DLG5: variants seen among roughly 807,000 people sequenced by gnomAD.
The protein encoded by DLG5 is disks large homolog 5.
Under a neutral mutation model 189.8 loss-of-function variants are expected in DLG5, and 48 were observed. The observed-to-expected ratio is 0.25, with a 90% confidence interval of 0.20 to 0.32. The LOEUF is 0.32. Ranked by LOEUF, DLG5 falls within the 10% of genes least tolerant of loss-of-function variation. The pLI is 1.00. For synonymous variants in DLG5, 1,016 were observed against 1,054.1 expected, an observed-to-expected ratio of 0.96 and a Z score of 0.70; for missense variants, 2,160 against 2,544.7, an observed-to-expected ratio of 0.85 and a Z score of 3.25.
chr10:77,830,323 G>A lies in DLG5; in HGVS notation c.1903C>T (p.Leu635=), dbSNP rs1236450682. ...ACACCTTCTGCCATATCAAACCCCA[G>A]TGCCTTCAAGTCAATATCCTCCTGC... is the stretch of plus-strand genomic sequence containing the variant. ...RETEDIDLKA[L]GFDMAEGVNE... is the part of the protein sequence containing the mutation. Residue 635 remains leucine, a synonymous_variant, in exon 11 of 32, where the codon CTG becomes TTG. Transcript: ENST00000372391. The A allele has an allele frequency of 2.5e-6, 4 of 1,614,086 alleles. No homozygotes were observed. In the Admixed American group the frequency reaches 5.0e-5, roughly 20 times the overall value.
chr10:77,850,990 G>A (rs1198375331), intron 5 of DLG5, among the ~76,000 whole-genome samples: 2 of 152,238 alleles, frequency 1.3e-5, no homozygotes, highest in African/African-American at 4.8e-5. Flanking sequence ...AGACCAAGAA[G>A]AACAAACTGC....
intron 30 of DLG5, among the ~76,000 whole-genome samples, 182 bp from the exon 31 acceptor site, chr10:77,794,299 G>A (rs760722160): frequency 2.0e-5 from 3 of 152,232 alleles, no homozygotes; most frequent in Non-Finnish European, 2.9e-5. Flanking sequence ...CTGGGCAGAT[G>A]GGGGAAGGAG....
chr10:77,828,996 C>A lies in DLG5; in HGVS notation c.2186-11G>T. On this transcript the variant is annotated splice_polypyrimidine_tract_variant and intron_variant, in intron 12 of 31. Transcript: ENST00000372391. ...GACTGATGCCACTGTCTGCAAGCCA[C>A]AGGAGGTCACTGGGTAGCCCCTGGC... The A allele has an allele frequency of 1.9e-6, 3 of 1,613,692 alleles. No individual in the cohort carries two copies. The African/African-American group carries it at 4.0e-5, about 22-fold the overall frequency.
chr10:77,825,745 TG>T (rs758615019), intron 13 of DLG5, among the ~76,000 whole-genome samples: 8 of 151,640 alleles, frequency 5.3e-5, no homozygotes, highest in Non-Finnish European at 8.8e-5. Flanking sequence ...TTAGTAGAGA[TG>T]GGGTTTCATT....
intron 1 of DLG5, among the ~76,000 whole-genome samples, chr10:77,882,743 C>T (rs1845319226): frequency 7.3e-6 from 1 of 136,598 alleles, no homozygotes; most frequent in Admixed American, 7.8e-5. Context: ...GAAACCTCGT[C>T]TCTACTAAAA....
At chr10:77,933,100 C>T in the DLG5 span, among the ~76,000 whole-genome samples, 1 of 152,042 alleles carries the variant, frequency 6.6e-6, no homozygotes, top group Non-Finnish European at 1.5e-5. Context: ...ACTCTGAGCC[C>T]ATTCTTCACA....
intron 17 of DLG5, among the ~76,000 whole-genome samples, chr10:77,818,356 C>G (rs1460588146): frequency 6.6e-6 from 1 of 152,216 alleles, no homozygotes; most frequent in Non-Finnish European, 1.5e-5. Context: ...GCCCTGAGAC[C>G]AGGCCTCAAC....
intron 18 of DLG5, among the ~76,000 whole-genome samples, 158 bp downstream of exon 18, chr10:77,817,619 T>C (rs556481980): frequency 6.6e-6 from 1 of 152,318 alleles, no homozygotes; most frequent in South Asian, 2.1e-4. Flanking sequence ...GGCTGGCCCA[T>C]GAAGGAAGCA....
At chr10:77,896,519 G>A (rs1276265769) in intron 1 of DLG5, among the ~76,000 whole-genome samples, 3 of 152,084 alleles carry the variant, frequency 2.0e-5, no homozygotes, top group African/African-American at 7.2e-5. Flanking sequence ...AGTTTTATAT[G>A]GATACATCTG....
intron 23 of DLG5, among the ~76,000 whole-genome samples, chr10:77,810,717 G>A (rs1441701903): frequency 2.0e-5 from 3 of 152,190 alleles, no homozygotes; most frequent in East Asian, 1.9e-4. Context: ...TCTGCTGCAC[G>A]TGCCCGGCAC....
At chr10:77,833,548 TG>T (rs1842977175) in intron 9 of DLG5, among the ~76,000 whole-genome samples, 1 of 13,744 alleles carries the variant, frequency 7.3e-5, no homozygotes, top group Non-Finnish European at 1.3e-4. Context: ...TCTCTGCGAG[TG>T]AGTGAGTGAG....
chr10:77,825,035 C>G (rs1261699770), intron 13 of DLG5, among the ~76,000 whole-genome samples: 1 of 152,162 alleles, frequency 6.6e-6, no homozygotes, highest in African/African-American at 2.4e-5. Flanking sequence ...AATGACCAAA[C>G]TGTGATACAC....
At position 77,856,782 on chromosome 10, in the gene DLG5, C is replaced by T. The variant is rs372736534; in HGVS notation, c.484G>A (p.Glu162Lys). 3.1e-6 allele frequency: 5 copies of T among 1,613,542 alleles called. No homozygotes were observed. Among genetic ancestry groups the T allele is most frequent in the Admixed American group, 1.7e-5 (1 of 60,020 alleles). Residue 162 changes from glutamate to lysine, a missense_variant, in exon 3 of 32, where the codon GAG (glutamate) becomes AAG (lysine). Coordinates refer to ENST00000372391, the MANE Select transcript of DLG5 (RefSeq NM_004747.4). ...GCAAAGGCCAGGCGCTTGCGGAGCT[C>T]GTTTCTCTCCCGGGTCATCAGCCGC... ...QLRLMTRERN[E>K]LRKRLAFATH... is the part of the protein sequence containing the mutation.
chr10:77,835,316 C>T (rs1843071471), intron 8 of DLG5, among the ~76,000 whole-genome samples: 2 of 152,182 alleles, frequency 1.3e-5, no homozygotes, highest in Admixed American at 6.5e-5. Flanking sequence ...ACATCTTCCT[C>T]CCTCACTGCC....
At chr10:77,871,645 C>T (rs1304811496) in intron 1 of DLG5, among the ~76,000 whole-genome samples, 3 of 144,136 alleles carry the variant, frequency 2.1e-5, no homozygotes, top group East Asian at 2.1e-4. Context: ...TGGGTTCAAG[C>T]GATTCTCCTG....
Position 77,794,057 on chromosome 10 carries a change from C to T in DLG5, c.5607G>A (p.Gln1869=), listed in dbSNP as rs1058199. 2.0e-3 allele frequency: 3,304 copies of T among 1,614,208 alleles called. 69 individuals carry two copies. The African/African-American group carries it at 0.037, about 18-fold the overall frequency. The part of the protein sequence containing the change: ...DKVTQRHSKE[Q]FEAAQKLEQE... ...GCTCAAGCTTCTGCGCCGCCTCAAA[C>T]TGCTCTTTGGAATGCCTCTGAGTCA... The change falls in exon 31 of 32, where the codon CAG becomes CAA. Residue 1869 remains glutamine (Q), a synonymous_variant. Coordinates refer to ENST00000372391, the MANE Select transcript of DLG5 (RefSeq NM_004747.4).
the DLG5 span, among the ~76,000 whole-genome samples, chr10:77,934,246 A>C: frequency 7.2e-6 from 1 of 138,356 alleles, no homozygotes; most frequent in Non-Finnish European, 1.6e-5. Flanking sequence ...TGGTGCATGC[A>C]TGTAATCCCA....
At chr10:77,853,221 G>A (rs180886817) in intron 5 of DLG5, 133 bp downstream of exon 5, 1 of 770,350 alleles carries the variant, frequency 1.3e-6, no homozygotes, top group East Asian at 3.2e-5. Context: ...TCTCACCTTG[G>A]TCTTCCAAAG....
intron 2 of DLG5, among the ~76,000 whole-genome samples, chr10:77,857,124 C>T (rs1844273535): frequency 1.3e-5 from 2 of 152,252 alleles, no homozygotes; most frequent in South Asian, 2.1e-4. Flanking sequence ...CCCCCAGTAA[C>T]CACCCCAGCA....
Sources: allele counts gnomAD v4.1 joint callset (sites outside exome capture counted in the v4.1 genomes callset), GRCh38; gene constraint gnomAD v4.1.1; transcripts MANE v1.5; gene names NCBI Gene and HGNC (gene_info 2026-07-23, HGNC 2026-07-21).